Variants in ZNF684 observed in about 807,000 individuals in gnomAD.
ZNF684 encodes the protein hypothetical protein MGC27466.
In ZNF684, 13 loss-of-function variants were observed where a neutral mutation model predicts 12.8. The observed-to-expected ratio is 1.02, with a 90% confidence interval of 0.66 to 1.62. The LOEUF is 1.62. Among genes scored for constraint, ZNF684 ranks in the 40% most tolerant of loss-of-function variants. The pLI, the probability that ZNF684 is intolerant of heterozygous loss-of-function variation, is 0.00. For synonymous variants in ZNF684, 118 were observed against 151.8 expected, an observed-to-expected ratio of 0.78 and a Z score of 1.64; for missense variants, 384 against 446.9, an observed-to-expected ratio of 0.86 and a Z score of 1.27.
Position 40,542,029 on chromosome 1 carries a change from C to G in ZNF684, c.238+319C>G, listed in dbSNP as rs2124510675. The stretch of plus-strand genomic sequence containing the variant: ...ACCCTCATTATTCTTCCCTTCTCAA[C>G]ATCGATCTTTTTCTATATACGTAGT... On this transcript the variant is annotated intron_variant, in intron 4 of 4. Transcript: ENST00000372699. Among the ~76,000 whole-genome samples the G allele has an allele frequency of 1.3e-5, 2 of 152,288 alleles. 1 individual carries two copies. Among genetic ancestry groups the G allele is most frequent in the South Asian group, 4.1e-4 (2 of 4,822 alleles).
intron 4 of ZNF684, among the ~76,000 whole-genome samples, chr1:40,543,518 G>A (rs1646027215): frequency 6.7e-6 from 1 of 149,762 alleles, no homozygotes; most frequent in Admixed American, 6.7e-5. Context: ...GTGCAGTTGC[G>A]AGATCTGGGC....
At chr1:40,543,794 C>A (rs1344551045) in intron 4 of ZNF684, among the ~76,000 whole-genome samples, 1 of 152,184 alleles carries the variant, frequency 6.6e-6, no homozygotes, top group African/African-American at 2.4e-5. Context: ...CCTTCTGATT[C>A]TGGTCTGTTC....
In ZNF684 at chr1:40,547,459, A is replaced by C. The variant is rs530017439; in HGVS notation, c.1136A>C (p.Ter379SerextTer15). Residue 379 changes from the stop codon to serine, a stop_lost, in exon 5 of 5, where the codon TAA becomes TCA. Transcript: ENST00000372699. ...ATTGTACATCAGAAAATTCATACAT[A>C]ATATTCACTTTATGAATATGAGAAG... is the stretch of plus-strand genomic sequence containing the variant. ...NLIVHQKIHT[*>S] The C allele has an allele frequency of 3.1e-6, 5 of 1,592,372 alleles. No homozygotes were observed. Among genetic ancestry groups the C allele is most frequent in the Admixed American group, 3.5e-5 (2 of 56,554 alleles).
chr1:40,534,872 A>C (rs947855982), intron 2 of ZNF684, among the ~76,000 whole-genome samples: 1 of 152,096 alleles, frequency 6.6e-6, no homozygotes, highest in Non-Finnish European at 1.5e-5. Context: ...ACACACCTGT[A>C]GTTCCAGCTA....
chr1:40,540,646 G>A lies in ZNF684; in HGVS notation c.76G>A (p.Asp26Asn), dbSNP rs895203354. 1.2e-6 allele frequency: 2 copies of A among 1,612,756 alleles called. No individual in the cohort carries two copies. Among genetic ancestry groups the A allele is most frequent in the African/African-American group, 1.3e-5 (1 of 74,816 alleles). Residue 26 changes from aspartate to asparagine, a missense_variant, in exon 3 of 5, where the codon GAT (aspartate) becomes AAT (asparagine). Asp to Asn is a conservative substitution (Grantham distance 23, BLOSUM62 1). Transcript: ENST00000372699. ...DFTAEEWQLL[D>N]CAERTLYWDV... ...CACTGCAGAGGAGTGGCAGCTGCTT[G>A]ATTGTGCTGAGAGAACCCTGTATTG...
At chr1:40,533,772 C>A (rs1645969740) in intron 2 of ZNF684, among the ~76,000 whole-genome samples, 1 of 151,024 alleles carries the variant, frequency 6.6e-6, no homozygotes, top group African/African-American at 2.4e-5. Flanking sequence ...ATTTTAAGGT[C>A]ATCAAAATAA....
chr1:40,539,943 T>G (rs1646005652), intron 2 of ZNF684, among the ~76,000 whole-genome samples: 1 of 151,674 alleles, frequency 6.6e-6, no homozygotes, highest in African/African-American at 2.4e-5. Context: ...CTGTTTATTG[T>G]TGATTTTTTT....
chr1:40,541,457 A>G (rs1252787564), intron 3 of ZNF684, 158 bp from the exon 4 acceptor site: 1 of 532,866 alleles, frequency 1.9e-6, no homozygotes, highest in East Asian at 3.6e-5. Flanking sequence ...TGTTCGGATT[A>G]CAGGCGTGAG....
chr1:40,546,790 A>G lies in ZNF684; in HGVS notation c.467A>G (p.Glu156Gly). ...LLKYNRSYTVENAYECSECGK... is the reference protein window; with the variant it reads ...LLKYNRSYTVGNAYECSECGK... ...AAATATAATAGAAGTTATACTGTAG[A>G]AAACGCTTATGAATGCAGTGAATGC... is the stretch of plus-strand genomic sequence containing the variant. The change falls in exon 5 of 5, where the codon GAA (glutamate) becomes GGA (glycine). Residue 156 changes from glutamate to glycine, a missense_variant. By Grantham distance (98) the Glu-to-Gly change is moderately conservative. Coordinates refer to ENST00000372699, the MANE Select transcript of ZNF684 (RefSeq NM_152373.4). 6.2e-7 allele frequency: 1 copy of G among 1,611,808 alleles called. No homozygotes were observed. The highest frequency in any genetic ancestry group is 1.1e-5 in the South Asian group (1 of 90,248).
At chr1:40,533,015 C>T (rs781071151) in intron 1 of ZNF684, 128 bp from the exon 2 acceptor site, 2 of 638,180 alleles carry the variant, frequency 3.1e-6, no homozygotes, top group Non-Finnish European at 5.5e-6. Context: ...TGTCATTCTC[C>T]CCCACTAGGT....
intron 4 of ZNF684, among the ~76,000 whole-genome samples, chr1:40,543,030 GTCT>G (rs1248979751): frequency 6.6e-6 from 1 of 151,970 alleles, no homozygotes; most frequent in Admixed American, 6.6e-5. Flanking sequence ...TAGAGACAGG[GTCT>G]TACTCCATCA....
At chr1:40,546,211 A>G (rs1393000465) in intron 4 of ZNF684, among the ~76,000 whole-genome samples, 1 of 152,136 alleles carries the variant, frequency 6.6e-6, no homozygotes, top group South Asian at 2.1e-4. Flanking sequence ...GTGAGCCGCC[A>G]TGCCTGGCCT....
At chr1:40,545,862 C>T (rs1646043436) in intron 4 of ZNF684, among the ~76,000 whole-genome samples, 3 of 151,644 alleles carry the variant, frequency 2.0e-5, no homozygotes, top group African/African-American at 7.3e-5. Context: ...CTCCTCCAAA[C>T]CTAGTCTGTT....
rs759068824 is a variant in ZNF684, at chr1:40,547,137, G to A, written c.814G>A (p.Glu272Lys). The change falls in exon 5 of 5, where the codon GAA (glutamate) becomes AAA (lysine). Residue 272 changes from glutamate to lysine, a missense_variant. Physicochemically the swap from Glu to Lys is moderately conservative, Grantham distance 56 (BLOSUM62 1). Transcript: ENST00000372699. ...ATCTCATACACTTGAGAAGTCATTT[G>A]AATGTAAGGAATGTGGGAAAACCTT... ...VKSHTLEKSF[E>K]CKECGKTFRY... The A allele has an allele frequency of 1.2e-6, 2 of 1,614,186 alleles. No individual in the cohort carries two copies. Among genetic ancestry groups the A allele is most frequent in the South Asian group, 2.2e-5 (2 of 91,072 alleles).
chr1:40,544,320 G>T (rs1646032088), intron 4 of ZNF684: 5 of 366,040 alleles, frequency 1.4e-5, no homozygotes, highest in South Asian at 1.0e-4. Context: ...TGGTTTAGTG[G>T]TTAGGAAAAC....
chr1:40,534,027 T>C (rs1645971462), intron 2 of ZNF684, among the ~76,000 whole-genome samples: 1 of 151,842 alleles, frequency 6.6e-6, no homozygotes, highest in African/African-American at 2.4e-5. Flanking sequence ...TTTCACCTTG[T>C]TGACCAGGCT....
chr1:40,544,305 C>T, intron 4 of ZNF684: 1 of 315,862 alleles, frequency 3.2e-6, no homozygotes, highest in East Asian at 1.2e-4. Context: ...AAATATTTTC[C>T]CTGGTGGTTT....
rs1015470335 is a variant in ZNF684 at position 40,531,652 on chromosome 1, C to G, written c.-160C>G. 8 of 152,226 alleles carry G rather than the reference C, an allele frequency of 5.3e-5. No individual in the cohort carries two copies. The highest frequency in any genetic ancestry group is 1.9e-4 in the African/African-American group (8 of 41,448). 9.4% of individuals were successfully genotyped at this position (152,226 alleles called of 1,614,324 possible). Reference sequence around the variant, plus strand: ...TTACTTCCGCACACGCGTAGTAGGACGGTAGCCGGTATTCAATCTTCAAAT... The same window carrying G: ...TTACTTCCGCACACGCGTAGTAGGAGGGTAGCCGGTATTCAATCTTCAAAT... On this transcript the variant is annotated 5_prime_UTR_variant, in exon 1 of 5. Coordinates refer to ENST00000372699, the MANE Select transcript of ZNF684 (RefSeq NM_152373.4).
At chr1:40,533,108 T>G in intron 1 of ZNF684, 35 bp from the exon 2 acceptor site, 1 of 1,579,214 alleles carries the variant, frequency 6.3e-7, no homozygotes, top group Non-Finnish European at 8.7e-7. Context: ...GTATCTCAGG[T>G]CTTTCTATTC....
Sources: gnomAD v4.1 joint callset for allele counts (sites outside exome capture counted in the v4.1 genomes callset) on GRCh38, gnomAD v4.1.1 for gene constraint, MANE v1.5 for transcripts, NCBI Gene and HGNC (gene_info 2026-07-23, HGNC 2026-07-21) for gene names.